The following PDE5A variants were observed in gnomAD, a reference collection of about 807,000 sequenced individuals.
PDE5A encodes phosphodiesterase 5A, also known as cGMP-specific 3',5'-cyclic phosphodiesterase.
In PDE5A, 67 loss-of-function variants were observed where a neutral mutation model predicts 110.2. The observed-to-expected ratio is 0.61, with a 90% CI of 0.50 to 0.75. The LOEUF (loss-of-function observed/expected upper bound fraction) is 0.75, where lower values mean the gene tolerates loss of function less well. Among genes scored for constraint, PDE5A ranks in the 30% least tolerant of loss-of-function variants. The pLI, the probability that PDE5A is intolerant of heterozygous loss-of-function variation, is 0.00. For synonymous variants in PDE5A, 328 were observed against 351.2 expected (o/e 0.93, Z 0.74); for missense variants, 862 against 1,045.1 (o/e 0.82, Z 2.42).
chr4:119,588,952 A>C (rs912857007), intron 3 of PDE5A, among the ~76,000 whole-genome samples: 1 of 152,236 alleles, frequency 6.6e-6, no homozygotes, highest in Non-Finnish European at 1.5e-5. Flanking sequence ...AGTATGATAA[A>C]ATAAAATCAA....
intron 14 of PDE5A, among the ~76,000 whole-genome samples, chr4:119,515,635 A>G (rs1273246593): frequency 3.3e-5 from 5 of 152,070 alleles, no homozygotes; most frequent in African/African-American, 4.8e-5. Context: ...ATTTTCATCA[A>G]TGGCACCATC....
At chr4:119,596,479 A>G in intron 3 of PDE5A, 44 bp downstream of exon 3, 1 of 1,130,074 alleles carries the variant, frequency 8.8e-7, no homozygotes, top group Non-Finnish European at 1.3e-6. Flanking sequence ...TTCAAAAAGA[A>G]AAATATTTCC....
intron 1 of PDE5A, among the ~76,000 whole-genome samples, chr4:119,614,072 C>A (rs1729849521): frequency 6.6e-6 from 1 of 151,508 alleles, no homozygotes; most frequent in Non-Finnish European, 1.5e-5. Flanking sequence ...AATCCTTTAC[C>A]TCCAGGTCAT....
At chr4:119,537,675 C>T (rs1227938006) in intron 11 of PDE5A, among the ~76,000 whole-genome samples, 1 of 151,930 alleles carries the variant, frequency 6.6e-6, no homozygotes, top group Non-Finnish European at 1.5e-5. Flanking sequence ...ACTCCCAAAT[C>T]TCCACCTCTA....
chr4:119,515,243 T>A (rs1046205650), intron 14 of PDE5A, among the ~76,000 whole-genome samples: 1 of 152,268 alleles, frequency 6.6e-6, no homozygotes, highest in Admixed American at 6.6e-5. Flanking sequence ...TTTACCCAGT[T>A]TGAACTTCAC....
At position 119,566,458 on chromosome 4, in the gene PDE5A, C is replaced by T. The variant is rs550610475; in HGVS notation, c.903+615G>A. ...AAACCTACTCATAGAATGAATTTAT[C>T]GACAGGTTTACGGGCTTTTGTCCTT... On this transcript the variant is annotated intron_variant, in intron 4 of 20. Coordinates refer to ENST00000354960, the MANE Select transcript of PDE5A (RefSeq NM_001083.4). Among the ~76,000 whole-genome samples, 8 of 152,196 alleles carry T rather than the reference C, an allele frequency of 5.3e-5. No individual in the cohort carries two copies. In the South Asian group the frequency reaches 6.2e-4, roughly 12 times the overall value.
chr4:119,559,025 T>A (rs893335421), intron 7 of PDE5A, among the ~76,000 whole-genome samples: 1 of 152,090 alleles, frequency 6.6e-6, no homozygotes, highest in Non-Finnish European at 1.5e-5. Flanking sequence ...GTTAAAATGA[T>A]CCATGTAAAT....
intron 3 of PDE5A, among the ~76,000 whole-genome samples, chr4:119,574,467 C>T (rs1207591098): frequency 6.6e-6 from 1 of 151,998 alleles, no homozygotes; most frequent in Non-Finnish European, 1.5e-5. Flanking sequence ...AGGTGTGGGC[C>T]ACCGCGCCTG....
rs537462827 is a variant in PDE5A, at chr4:119,552,320, C to T, written c.1396+230G>A. ...AAATTTCAATACATCATCAATCATT[C>T]TTAAACAAAAAATTCTGCTGAAATA... On this transcript the variant is annotated intron_variant, in intron 9 of 20. Transcript: ENST00000354960. 6.4e-5 allele frequency: 18 copies of T among 281,074 alleles called. No homozygotes were observed. The South Asian group carries it at 1.5e-3, about 24-fold the overall frequency. The allele number at this position is 281,074 out of a possible 1,614,324, so 17.4% of individuals were successfully genotyped here.
rs200463446 is a variant in PDE5A at position 119,507,657 on chromosome 4, C to T, written c.2136G>A (p.Thr712=). The T allele has an allele frequency of 5.1e-6, 8 of 1,584,152 alleles. No homozygotes were observed. Among genetic ancestry groups the T allele is most frequent in the South Asian group, 2.3e-5 (2 of 86,130 alleles). Reference sequence around the variant, plus strand: ...AAATAGCTTGCTTGATTATTTTCAACGTGGTCTTATATTCTTCAATGGAGA... The same window carrying T: ...AAATAGCTTGCTTGATTATTTTCAATGTGGTCTTATATTCTTCAATGGAGA... The part of the protein sequence containing the change: ...SGLSIEEYKT[T]LKIIKQAILA... The change falls in exon 16 of 21, where the codon ACG becomes ACA. Residue 712 remains threonine, a synonymous_variant. Transcript: ENST00000354960.
At chr4:119,559,772 G>A (rs1243248801) in intron 7 of PDE5A, among the ~76,000 whole-genome samples, 2 of 152,118 alleles carry the variant, frequency 1.3e-5, no homozygotes, top group Admixed American at 6.6e-5. Flanking sequence ...TTCAATGCAT[G>A]ATCAGCAAAG....
intron 3 of PDE5A, among the ~76,000 whole-genome samples, chr4:119,582,279 A>G (rs916622165): frequency 2.0e-5 from 3 of 152,180 alleles, no homozygotes; most frequent in Non-Finnish European, 2.9e-5. Flanking sequence ...ATCTCAAGAA[A>G]CCACTTTCTT....
chr4:119,605,231 T>C (rs1729485884), intron 2 of PDE5A, among the ~76,000 whole-genome samples: 1 of 152,188 alleles, frequency 6.6e-6, no homozygotes, highest in Admixed American at 6.5e-5. Context: ...CACACTTACA[T>C]GGTCCTACTT....
At chr4:119,512,849 C>T (rs1725795160) in intron 14 of PDE5A, 1 of 152,028 alleles carries the variant, frequency 6.6e-6, no homozygotes, top group Non-Finnish European at 1.5e-5. Context: ...TAAATGTCAA[C>T]TCAGTTCTGG....
At chr4:119,556,944 A>G (rs1169359677) in intron 7 of PDE5A, among the ~76,000 whole-genome samples, 1 of 152,192 alleles carries the variant, frequency 6.6e-6, no homozygotes, top group Non-Finnish European at 1.5e-5. Flanking sequence ...AATACAAGGA[A>G]TATGGATCTC....
chr4:119,526,715 T>C (rs894713158), intron 11 of PDE5A, among the ~76,000 whole-genome samples: 1 of 152,168 alleles, frequency 6.6e-6, no homozygotes, highest in Non-Finnish European at 1.5e-5. Context: ...CAATCTAAAG[T>C]AGATTTCCCT....
chr4:119,518,981 C>T lies in PDE5A; in HGVS notation c.2000+64G>A, dbSNP rs1726014569. ...CCATCAAATTTTGCTGTGGCTTTAA[C>T]TTAAAAAAAGACAGCCCTACAATTA... On this transcript the variant is annotated intron_variant, in intron 14 of 20. Transcript: ENST00000354960. The T allele has an allele frequency of 1.7e-5, 20 of 1,183,058 alleles. 1 individual carries two copies. In the South Asian group the frequency reaches 2.6e-4, roughly 15 times the overall value. The allele number at this position is 1,183,058 out of a possible 1,614,324, so 73.3% of individuals were successfully genotyped here.
At chr4:119,538,596 TTGA>T (rs1195831224) in intron 11 of PDE5A, among the ~76,000 whole-genome samples, 1 of 152,204 alleles carries the variant, frequency 6.6e-6, no homozygotes, top group Non-Finnish European at 1.5e-5. Context: ...CTCTCAATTC[TTGA>T]TAATACAGAG....
At chr4:119,617,877 T>C (rs994128480) in intron 1 of PDE5A, among the ~76,000 whole-genome samples, 2 of 152,204 alleles carry the variant, frequency 1.3e-5, no homozygotes, top group Non-Finnish European at 2.9e-5. Context: ...TCCCAATTTT[T>C]ATACTCTGAA....
Sources: allele counts gnomAD v4.1 joint callset (sites outside exome capture counted in the v4.1 genomes callset), GRCh38; gene constraint gnomAD v4.1.1; transcripts MANE v1.5; gene names NCBI Gene and HGNC (gene_info 2026-07-23, HGNC 2026-07-21).